PARP12: variants seen among roughly 807,000 people sequenced by gnomAD.
PARP12 encodes poly(ADP-ribose) polymerase family member 12.
PARP12 carries 59 observed loss-of-function variants against 72.4 expected under a neutral mutation model. The observed-to-expected ratio is 0.81, with a 90% CI of 0.66 to 1.01. PARP12 has a LOEUF of 1.01. Among genes scored for constraint, PARP12 ranks in the 50% least tolerant of loss-of-function variants. The probability of loss-of-function intolerance (pLI) is 0.00; values close to 1 mark genes in which losing one functional copy is unlikely to be tolerated. For missense variants in PARP12, 851 were observed against 914.0 expected, an observed-to-expected ratio of 0.93 and a Z score of 0.89; for synonymous variants, 403 against 371.4, an observed-to-expected ratio of 1.09 and a Z score of -0.98.
chr7:140,040,577 G>A (rs1177702987), intron 6 of PARP12, among the ~76,000 whole-genome samples: 3 of 152,168 alleles, frequency 2.0e-5, no homozygotes, highest in Admixed American at 6.5e-5. Flanking sequence ...ATACGATGGG[G>A]CAAAAGAAAA....
At chr7:140,045,354 T>G (rs1816674004) in intron 5 of PARP12, among the ~76,000 whole-genome samples, 1 of 152,244 alleles carries the variant, frequency 6.6e-6, no homozygotes, top group South Asian at 2.1e-4. Flanking sequence ...TGCCTGGCAG[T>G]GATCTGAGTG....
intron 8 of PARP12, among the ~76,000 whole-genome samples, chr7:140,032,841 G>C (rs1815993361): frequency 6.6e-6 from 1 of 152,138 alleles, no homozygotes; most frequent in African/African-American, 2.4e-5. Context: ...ACCCACAGTG[G>C]GAACAGGGTA....
chr7:140,030,278 A>C (rs1815889264), intron 8 of PARP12, among the ~76,000 whole-genome samples: 1 of 152,188 alleles, frequency 6.6e-6, no homozygotes, highest in South Asian at 2.1e-4. Context: ...ACCCAGTGAA[A>C]ATTTCCTTCA....
intron 4 of PARP12, among the ~76,000 whole-genome samples, chr7:140,050,767 G>C (rs937130619): frequency 6.6e-6 from 1 of 151,958 alleles, no homozygotes; most frequent in African/African-American, 2.4e-5. Context: ...TGTAGGCTTA[G>C]AATAGGCAAA....
intron 3 of PARP12, among the ~76,000 whole-genome samples, chr7:140,055,672 TCC>T (rs1483980549): frequency 3.3e-5 from 5 of 152,186 alleles, no homozygotes; most frequent in African/African-American, 9.7e-5. Context: ...GGATCCCTCC[TCC>T]CTTTCTGACA....
intron 8 of PARP12, among the ~76,000 whole-genome samples, chr7:140,030,760 T>C (rs1815910798): frequency 6.6e-6 from 1 of 152,270 alleles, no homozygotes; most frequent in South Asian, 2.1e-4. Context: ...AACACAAATC[T>C]GTAAACTTTC....
chr7:140,039,735 C>A (rs1385617025), intron 6 of PARP12, among the ~76,000 whole-genome samples: 1 of 152,166 alleles, frequency 6.6e-6, no homozygotes, highest in Non-Finnish European at 1.5e-5. Context: ...TGGGGTTATA[C>A]CAGAAACGTG....
chr7:140,026,666 C>G (rs1569526309), intron 10 of PARP12, among the ~76,000 whole-genome samples: 1 of 152,134 alleles, frequency 6.6e-6, no homozygotes, highest in South Asian at 2.1e-4. Context: ...CTTGCTCCTG[C>G]ATGGAGCTGA....
chr7:140,033,503 T>A (rs1816026980), intron 8 of PARP12: 1 of 985,322 alleles, frequency 1.0e-6, no homozygotes, highest in Middle Eastern at 5.2e-4. Context: ...GGCACTGTGG[T>A]CCCTCTCCAC....
chr7:140,024,601 T>C lies in PARP12; in HGVS notation c.2065A>G (p.Ile689Val), dbSNP rs890992306. The C allele has an allele frequency of 9.9e-6, 16 of 1,614,124 alleles. No homozygotes were observed. The highest frequency in any genetic ancestry group is 1.3e-5 in the Non-Finnish European group (15 of 1,180,024). The change falls in exon 12 of 12, where the codon ATC (isoleucine) becomes GTC (valine). Residue 689 changes from isoleucine (I) to valine (V), a missense_variant. Physicochemically the swap from Ile to Val is conservative, Grantham distance 29. Coordinates refer to ENST00000263549, the MANE Select transcript of PARP12 (RefSeq NM_022750.4). Reference protein sequence around the residue: ...TSSKPSVTPSILLALGSLFSS... With the variant: ...TSSKPSVTPSVLLALGSLFSS... ...AACAGGGAGCCCAAGGCCAGCAGGA[T>C]GGAGGGTGTGACCGAGGGCTTGGAG...
intron 4 of PARP12, among the ~76,000 whole-genome samples, chr7:140,048,796 T>C (rs1452208552): frequency 3.3e-5 from 5 of 152,184 alleles, no homozygotes; most frequent in African/African-American, 1.2e-4. Context: ...TAGAAAGCCA[T>C]GCTAGCGTGC....
chr7:140,034,059 G>C, intron 8 of PARP12, 176 bp downstream of exon 8: 1 of 1,295,284 alleles, frequency 7.7e-7, no homozygotes. Flanking sequence ...TCTACCCACA[G>C]GGTAATTCCC....
chr7:140,042,194 A>G (rs1034039466), intron 5 of PARP12, among the ~76,000 whole-genome samples: 1 of 152,254 alleles, frequency 6.6e-6, no homozygotes, highest in African/African-American at 2.4e-5. Flanking sequence ...TTACTGTGTG[A>G]GCCAGACCCT....
intron 4 of PARP12, among the ~76,000 whole-genome samples, chr7:140,048,636 CAT>C (rs1816833329): frequency 6.6e-6 from 1 of 152,208 alleles, no homozygotes; most frequent in African/African-American, 2.4e-5. Flanking sequence ...AACACACACA[CAT>C]GCACATATTA....
rs1816026357 is a variant in PARP12 at position 140,033,487 on chromosome 7, T to C, written c.1421+748A>G. The C allele has an allele frequency of 2.0e-6, 2 of 985,304 alleles. 1 individual carries two copies. Among genetic ancestry groups the C allele is most frequent in the South Asian group, 9.4e-5 (2 of 21,288 alleles). 61.0% of individuals were successfully genotyped at this position (985,304 alleles called of 1,614,324 possible). A position where few individuals can be genotyped will look rare whatever the true frequency, so the allele number is the denominator to read the frequency against. On this transcript the variant is annotated intron_variant, in intron 8 of 11. Coordinates refer to ENST00000263549, the MANE Select transcript of PARP12 (RefSeq NM_022750.4). ...AGCACTGGCTCTGGCAAGCCCAAACTGTATGGGCACTGTGGTCCCTCTCCA... is the reference window on the plus strand; with the variant it reads ...AGCACTGGCTCTGGCAAGCCCAAACCGTATGGGCACTGTGGTCCCTCTCCA...
At chr7:140,051,570 T>C (rs1370441589) in intron 4 of PARP12, among the ~76,000 whole-genome samples, 1 of 152,132 alleles carries the variant, frequency 6.6e-6, no homozygotes. Flanking sequence ...TTTGTATTTT[T>C]AGTAGAGACA....
intron 8 of PARP12, chr7:140,033,681 A>C: frequency 2.0e-6 from 2 of 985,394 alleles, no homozygotes; most frequent in South Asian, 9.4e-5. Context: ...CTGCTATAGG[A>C]GGTTTCTCTC....
chr7:140,035,806 T>C lies in PARP12; in HGVS notation c.1325-1475A>G, dbSNP rs192988053. 7.0e-3 allele frequency among the ~76,000 whole-genome samples: 960 copies of C among 137,284 alleles called. 5 individuals carry two copies. The highest frequency in any genetic ancestry group is 0.027 in the African/African-American group (913 of 34,234). 90.1% of individuals were successfully genotyped at this position (137,284 alleles called of 152,430 possible). ...GGGAAGAAGCCAATTCATCTCAAGC[T>C]TCTTTTATGGATACTGGTATCTACC... On this transcript the variant is annotated intron_variant, in intron 7 of 11. Transcript: ENST00000263549.
chr7:140,057,846 A>G, intron 2 of PARP12, 53 bp downstream of exon 2: 1 of 1,607,286 alleles, frequency 6.2e-7, no homozygotes, highest in South Asian at 1.1e-5. Context: ...ATTTCCCAAG[A>G]CACAGGAATG....
Sources: gnomAD v4.1 joint callset for allele counts (sites outside exome capture counted in the v4.1 genomes callset) on GRCh38, gnomAD v4.1.1 for gene constraint, MANE v1.5 for transcripts, NCBI Gene and HGNC (gene_info 2026-07-23, HGNC 2026-07-21) for gene names.